The following RIC1 variants were observed in gnomAD, a reference collection of about 807,000 sequenced individuals.
The protein encoded by RIC1 is RIC1 partner of RAB6A GEF complex, also known as guanine nucleotide exchange factor subunit RIC1.
RIC1 carries 88 observed loss-of-function variants against 169.0 expected under a neutral mutation model. The observed-to-expected ratio is 0.52, with a 90% CI of 0.44 to 0.62. The LOEUF is 0.62. Among genes scored for constraint, RIC1 ranks in the 20% least tolerant of loss-of-function variants. The pLI is 0.00. For missense variants in RIC1, 1,877 were observed against 1,725.5 expected, an observed-to-expected ratio of 1.09 and a Z score of -1.56; for synonymous variants, 790 against 601.5, an observed-to-expected ratio of 1.31 and a Z score of -4.59.
rs141454999 is a variant in RIC1 at position 5,638,737 on chromosome 9, C to T, written c.144+9284C>T. Among the ~76,000 whole-genome samples, 6 of 151,984 alleles carry T rather than the reference C, an allele frequency of 3.9e-5. 1 individual carries two copies. The highest frequency in any genetic ancestry group is 8.8e-5 in the Non-Finnish European group (6 of 67,990). On this transcript the variant is annotated intron_variant, in intron 1 of 25. Coordinates refer to ENST00000414202, the MANE Select transcript of RIC1 (RefSeq NM_020829.4). Reference sequence around the variant, plus strand: ...TTTGGTTTTCTCTTTTAAGGTTTGTCAATTTTGTTTATCTTTTCTAAAAAG... The same window carrying T: ...TTTGGTTTTCTCTTTTAAGGTTTGTTAATTTTGTTTATCTTTTCTAAAAAG...
intron 2 of RIC1, among the ~76,000 whole-genome samples, chr9:5,677,487 A>C (rs1216690209): frequency 6.6e-6 from 1 of 152,178 alleles, no homozygotes; most frequent in Admixed American, 6.6e-5. Context: ...TTTGTCAAAA[A>C]TCAGTTGTCT....
At chr9:5,719,849 G>T (rs1033822286) in intron 4 of RIC1, among the ~76,000 whole-genome samples, 2 of 152,072 alleles carry the variant, frequency 1.3e-5, no homozygotes, top group Admixed American at 6.6e-5. Flanking sequence ...TATTAGTTGG[G>T]TTTATTCATT....
chr9:5,755,018 AAACTG>A, intron 15 of RIC1, 88 bp downstream of exon 15: 1 of 746,574 alleles, frequency 1.3e-6, no homozygotes, highest in Non-Finnish European at 2.0e-6. Flanking sequence ...AGTCGATTGA[AAACTG>A]AACAAAACAT....
At chr9:5,743,783 G>T (rs375470085) in intron 10 of RIC1, 46 bp downstream of exon 10, 1 of 1,364,294 alleles carries the variant, frequency 7.3e-7, no homozygotes, top group South Asian at 1.2e-5. Context: ...AAAAAACTTG[G>T]ATTTTTCTTC....
intron 2 of RIC1, among the ~76,000 whole-genome samples, chr9:5,680,394 T>G: frequency 6.6e-6 from 1 of 152,234 alleles, no homozygotes; most frequent in Non-Finnish European, 1.5e-5. Context: ...TTCTATTGAT[T>G]GGAATAGTTT....
chr9:5,732,446 A>G lies in RIC1; in HGVS notation c.779A>G (p.Asn260Ser), dbSNP rs779820954. 9.9e-6 allele frequency: 16 copies of G among 1,612,240 alleles called. No homozygotes were observed. The highest frequency in any genetic ancestry group is 1.4e-5 in the Non-Finnish European group (16 of 1,179,080). The change falls in exon 7 of 26, where the codon AAC (asparagine) becomes AGC (serine). Residue 260 changes from asparagine to serine, a missense_variant. By Grantham distance (46) the Asn-to-Ser change is conservative. Around this residue, in one of 3 missense-constraint regions of RIC1, gnomAD observed 1,104 missense variants for 992.0 expected, o/e 1.11. Transcript: ENST00000414202. ...VVDGTCVAVNNKYRLMAFGCV... is the reference protein window; with the variant it reads ...VVDGTCVAVNSKYRLMAFGCV... ...GACGGAACGTGTGTAGCAGTAAATA[A>G]CAAGTATCGACTAATGGCATTTGGC... is the stretch of plus-strand genomic sequence containing the variant.
chr9:5,731,109 A>AT (rs1359679252), intron 6 of RIC1, among the ~76,000 whole-genome samples: 1 of 152,020 alleles, frequency 6.6e-6, no homozygotes, highest in Non-Finnish European at 1.5e-5. Context: ...TTTGTATAGT[A>AT]TTTTTTAACC....
At position 5,713,800 on chromosome 9, in the gene RIC1, G is replaced by A. The variant is rs931789932; in HGVS notation, c.333-96G>A. On this transcript the variant is annotated intron_variant, in intron 3 of 25. Transcript: ENST00000414202. ...TGAAGGATGAATACCTGATTTGTAA[G>A]TTTTATTTCATTTACTTTATTTGAT... is the stretch of plus-strand genomic sequence containing the variant. 1.2e-5 allele frequency: 9 copies of A among 724,844 alleles called. No homozygotes were observed. The African/African-American group carries it at 1.4e-4, about 11-fold the overall frequency. The allele number at this position is 724,844 out of a possible 1,614,324, so 44.9% of individuals were successfully genotyped here.
At chr9:5,665,915 G>A (rs575839587) in intron 2 of RIC1, among the ~76,000 whole-genome samples, 4 of 152,170 alleles carry the variant, frequency 2.6e-5, no homozygotes, top group Admixed American at 6.5e-5. Flanking sequence ...CAGGAGGAAC[G>A]GGATCAGGGA....
intron 2 of RIC1, among the ~76,000 whole-genome samples, chr9:5,661,845 C>T (rs541113640): frequency 1.1e-4 from 17 of 152,158 alleles, no homozygotes; most frequent in African/African-American, 3.6e-4. Context: ...CTGATTGCCC[C>T]AGCCAGAACT....
rs540695798 is a variant in RIC1 at position 5,738,171 on chromosome 9, G to A, written c.813-279G>A. Among the ~76,000 whole-genome samples, 6 of 152,272 alleles carry A rather than the reference G, an allele frequency of 3.9e-5. No individual in the cohort carries two copies. The East Asian group carries it at 9.6e-4, about 24-fold the overall frequency. On this transcript the variant is annotated intron_variant, in intron 7 of 25. Transcript: ENST00000414202. Reference sequence around the variant, plus strand: ...GTTCATTTTTTTCCTCATGTTGCTAGATAGGCTATTTCCTTTTTTAAAAAT... The same window carrying A: ...GTTCATTTTTTTCCTCATGTTGCTAAATAGGCTATTTCCTTTTTTAAAAAT...
At position 5,649,513 on chromosome 9, in the gene RIC1, G is replaced by A. The variant is rs191566312; in HGVS notation, c.145-7070G>A. 2.0e-4 allele frequency among the ~76,000 whole-genome samples: 30 copies of A among 152,138 alleles called. 1 individual carries two copies. In the East Asian group the frequency reaches 5.8e-3, roughly 29 times the overall value. On this transcript the variant is annotated intron_variant, in intron 1 of 25. Coordinates refer to ENST00000414202, the MANE Select transcript of RIC1 (RefSeq NM_020829.4). Reference sequence around the variant, plus strand: ...TTCCACTTAGTGAATTCTTCGGTTTGAGGATTTCTGTTTGGTTCCTTTTTT... The same window carrying A: ...TTCCACTTAGTGAATTCTTCGGTTTAAGGATTTCTGTTTGGTTCCTTTTTT...
chr9:5,776,747 G>A (rs181915700), downstream of RIC1, among the ~76,000 whole-genome samples: 17 of 151,904 alleles, frequency 1.1e-4, no homozygotes, highest in Admixed American at 1.1e-3. Context: ...GTAAAATACT[G>A]GAGGAAACAG....
At chr9:5,680,236 A>C (rs540098086) in intron 2 of RIC1, among the ~76,000 whole-genome samples, 1 of 152,174 alleles carries the variant, frequency 6.6e-6, no homozygotes, top group Non-Finnish European at 1.5e-5. Flanking sequence ...TGCTGGATTC[A>C]GTTTGCCAGT....
Position 5,742,855 on chromosome 9 carries a change from C to G in RIC1, c.902-14C>G. The G allele has an allele frequency of 6.3e-7, 1 of 1,575,788 alleles. No individual in the cohort carries two copies. Among genetic ancestry groups the G allele is most frequent in the Non-Finnish European group, 8.7e-7 (1 of 1,154,804 alleles). ...AACTATTTATTTTTAACTCTTCTCA[C>G]TATTTCCTAACAGACATTTGGAATA... On this transcript the variant is annotated splice_polypyrimidine_tract_variant and intron_variant, in intron 8 of 25. Coordinates refer to ENST00000414202, the MANE Select transcript of RIC1 (RefSeq NM_020829.4).
At chr9:5,728,963 T>TCA (rs1306277609) in intron 6 of RIC1, among the ~76,000 whole-genome samples, 1 of 152,172 alleles carries the variant, frequency 6.6e-6, no homozygotes, top group African/African-American at 2.4e-5. Context: ...CTGACTGAGT[T>TCA]ATTTACTTGG....
At chr9:5,670,603 A>T (rs1223082113) in intron 2 of RIC1, among the ~76,000 whole-genome samples, 1 of 152,144 alleles carries the variant, frequency 6.6e-6, no homozygotes, top group Non-Finnish European at 1.5e-5. Context: ...GAGTCATTTC[A>T]TTTTTATATA....
intron 8 of RIC1, 32 bp downstream of exon 8, chr9:5,738,570 A>ATC: frequency 8.6e-7 from 1 of 1,161,012 alleles, no homozygotes; most frequent in Non-Finnish European, 1.2e-6. Flanking sequence ...TTTTTTTAAC[A>ATC]TTTTTAATGT....
At chr9:5,754,329 C>G (rs557338685) in intron 14 of RIC1, among the ~76,000 whole-genome samples, 1 of 152,142 alleles carries the variant, frequency 6.6e-6, no homozygotes, top group Non-Finnish European at 1.5e-5. Context: ...TAATGGTATA[C>G]TTGCCTTCTT....
Sources: allele counts gnomAD v4.1 joint callset (sites outside exome capture counted in the v4.1 genomes callset), GRCh38; gene constraint gnomAD v4.1.1; regional missense constraint gnomAD v4.1.1; transcripts MANE v1.5; gene names NCBI Gene and HGNC (gene_info 2026-07-23, HGNC 2026-07-21).